Variants in ANK3 observed in about 807,000 individuals in gnomAD.
ANK3 encodes ankyrin-3.
A neutral mutation model predicts 370.9 loss-of-function variants in ANK3; 57 were observed. The observed-to-expected ratio is 0.15, with a 90% CI of 0.12 to 0.19. The LOEUF is 0.19. Ranked by LOEUF, ANK3 falls within the 10% of genes least tolerant of loss-of-function variation. The pLI is 1.00. For missense variants in ANK3, 4,439 were observed against 5,302.1 expected, an observed-to-expected ratio of 0.84 and a Z score of 5.06; for synonymous variants, 1,929 against 1,946.3, an observed-to-expected ratio of 0.99 and a Z score of 0.23.
At chr10:60,205,400 G>T (rs2096746562) in intron 11 of ANK3, among the ~76,000 whole-genome samples, 3 of 152,140 alleles carry the variant, frequency 2.0e-5, no homozygotes, top group African/African-American at 7.2e-5. Flanking sequence ...TGACCCACTA[G>T]AGACCAGTAG....
chr10:60,435,626 A>G (rs956620678), intron 2 of ANK3, among the ~76,000 whole-genome samples: 1 of 152,176 alleles, frequency 6.6e-6, no homozygotes, highest in African/African-American at 2.4e-5. Context: ...ACAAAAACAC[A>G]CGGACCCAAA....
chr10:60,110,826 A>C (rs773329028), intron 26 of ANK3, among the ~76,000 whole-genome samples: 2 of 152,220 alleles, frequency 1.3e-5, no homozygotes, highest in African/African-American at 4.8e-5. Flanking sequence ...GATTCACGAC[A>C]AACTCTGGGC....
intron 2 of ANK3, among the ~76,000 whole-genome samples, chr10:60,426,854 T>A (rs1370657940): frequency 1.3e-5 from 2 of 152,126 alleles, no homozygotes; most frequent in African/African-American, 4.8e-5. Flanking sequence ...ATAGATCCTA[T>A]GAAAAACTGT....
chr10:60,303,876 A>ATGTGTG lies in ANK3; in HGVS notation c.115-24243_115-24238dup, dbSNP rs71015783. The stretch of plus-strand genomic sequence containing the variant: ...CTAATGAATAAAATGTGGTGTATAT[A>ATGTGTG]TGTGTGTGTGTGTGTGTGTGTGTGT... On this transcript the variant is annotated intron_variant, in intron 1 of 43. Coordinates refer to ENST00000280772, the MANE Select transcript of ANK3 (RefSeq NM_020987.5). Among the ~76,000 whole-genome samples the ATGTGTG allele has an allele frequency of 3.9e-3, 570 of 147,534 alleles. 2 individuals carry two copies. Among genetic ancestry groups the ATGTGTG allele is most frequent in the African/African-American group, 0.013 (513 of 40,336 alleles).
chr10:60,064,356 T>C (rs1260374830), intron 38 of ANK3, 68 bp from the exon 39 acceptor site: 2 of 1,439,096 alleles, frequency 1.4e-6, no homozygotes, highest in Non-Finnish European at 1.9e-6. Context: ...ATAAAAGTAA[T>C]GCTCAATTGC....
intron 35 of ANK3, chr10:60,081,750 G>A (rs1214089524): frequency 2.1e-5 from 6 of 287,922 alleles, no homozygotes; most frequent in Non-Finnish European, 4.1e-5. Flanking sequence ...TGGCGGGTTC[G>A]AAGGTAGTGC....
intron 2 of ANK3, among the ~76,000 whole-genome samples, chr10:60,435,436 T>C (rs2064132497): frequency 1.3e-5 from 2 of 152,150 alleles, no homozygotes; most frequent in Non-Finnish European, 1.5e-5. Flanking sequence ...TCTAGGTGAG[T>C]CCTAATCACC....
intron 1 of ANK3, among the ~76,000 whole-genome samples, chr10:60,631,324 C>T (rs1240421137): frequency 2.6e-5 from 4 of 151,956 alleles, no homozygotes; most frequent in African/African-American, 9.7e-5. Flanking sequence ...GTCAGGAGAT[C>T]GAGACCATCC....
chr10:60,424,913 A>T (rs2063849628), intron 2 of ANK3, among the ~76,000 whole-genome samples: 1 of 152,090 alleles, frequency 6.6e-6, no homozygotes, highest in African/African-American at 2.4e-5. Flanking sequence ...TTTCAATTGT[A>T]TACACAGAAA....
intron 1 of ANK3, among the ~76,000 whole-genome samples, chr10:60,682,393 C>T (rs1049484983): frequency 9.9e-6 from 1 of 101,270 alleles, no homozygotes; most frequent in African/African-American, 3.3e-5. Flanking sequence ...CTTCTCCGAG[C>T]CTCATTTTTT....
intron 41 of ANK3, among the ~76,000 whole-genome samples, chr10:60,059,038 T>C (rs1029542053): frequency 4.6e-5 from 7 of 152,226 alleles, no homozygotes; most frequent in Admixed American, 3.3e-4. Flanking sequence ...TTACTGGCTA[T>C]ATGAAAAGAA....
chr10:60,674,310 A>T (rs138748684), intron 1 of ANK3, among the ~76,000 whole-genome samples: 1 of 152,256 alleles, frequency 6.6e-6, no homozygotes, highest in African/African-American at 2.4e-5. Flanking sequence ...TATTTGGCTC[A>T]TGGTTCTGCA....
At chr10:60,426,375 C>G in intron 2 of ANK3, among the ~76,000 whole-genome samples, 1 of 152,142 alleles carries the variant, frequency 6.6e-6, no homozygotes, top group East Asian at 1.9e-4. Context: ...CTACTGTCTT[C>G]TATAATTTAA....
At chr10:60,588,706 A>G (rs1194502619) in intron 2 of ANK3, among the ~76,000 whole-genome samples, 1 of 151,818 alleles carries the variant, frequency 6.6e-6, no homozygotes, top group Non-Finnish European at 1.5e-5. Context: ...CAGGAGTTCG[A>G]GACCAGCCTG....
chr10:60,169,909 A>G (rs1388407704), intron 21 of ANK3, among the ~76,000 whole-genome samples: 1 of 151,948 alleles, frequency 6.6e-6, no homozygotes, highest in African/African-American at 2.4e-5. Context: ...TAGTTTATTT[A>G]CTTTTGTTGG....
At chr10:60,393,186 C>T (rs76972414), upstream of ANK3, among the ~76,000 whole-genome samples, 13,254 of 152,196 alleles carry the variant, frequency 0.087, 726 homozygotes, top group South Asian at 0.13. Context: ...AGCTGCATGG[C>T]TGAATGGAAA....
intron 36 of ANK3, 71 bp downstream of exon 36, chr10:60,080,466 T>C: frequency 7.5e-7 from 1 of 1,330,936 alleles, no homozygotes; most frequent in Non-Finnish European, 1.1e-6. Flanking sequence ...TGATAAAATT[T>C]GGTTTGTATA....
chr10:60,612,340 A>G (rs1389071204), intron 2 of ANK3, among the ~76,000 whole-genome samples: 3 of 152,204 alleles, frequency 2.0e-5, no homozygotes, highest in Admixed American at 2.0e-4. Flanking sequence ...GCAGATGAGT[A>G]TATACCAGAT....
intron 1 of ANK3, among the ~76,000 whole-genome samples, chr10:60,363,032 C>G (rs1250152032): frequency 7.1e-6 from 1 of 140,084 alleles, no homozygotes; most frequent in Non-Finnish European, 1.5e-5. Flanking sequence ...GCAGAAATGC[C>G]AACTACTTAC....
Sources: allele counts gnomAD v4.1 joint callset (sites outside exome capture counted in the v4.1 genomes callset), GRCh38; gene constraint gnomAD v4.1.1; transcripts MANE v1.5; gene names NCBI Gene and HGNC (gene_info 2026-07-23, HGNC 2026-07-21).